Variants in OXR1 observed in about 807,000 individuals in gnomAD.
OXR1 encodes the protein oxidation resistance 1, also known as oxidation resistance protein 1.
Under a neutral mutation model 104.6 loss-of-function variants are expected in OXR1, and 41 were observed. The ratio of observed to expected loss-of-function variants is 0.39; its 90% CI spans 0.31 to 0.51. OXR1 has a LOEUF of 0.51. Ranked by LOEUF, OXR1 falls within the 20% of genes least tolerant of loss-of-function variation. The probability of loss-of-function intolerance (pLI) is 0.77; values close to 1 mark genes in which losing one functional copy is unlikely to be tolerated. For synonymous variants in OXR1, 348 were observed against 348.4 expected (o/e 1.00, Z 0.01); for missense variants, 955 against 1,031.9 (o/e 0.93, Z 1.02).
intron 3 of OXR1, chr8:106,604,978 T>G (rs983786876): frequency 3.3e-5 from 5 of 152,224 alleles, no homozygotes; most frequent in Non-Finnish European, 5.9e-5. Flanking sequence ...TCATTCATCC[T>G]GGGTAAAAGC....
At chr8:106,360,528 GTAATTATTTGTTTAGA>G in intron 2 of OXR1, among the ~76,000 whole-genome samples, 1 of 151,980 alleles carries the variant, frequency 6.6e-6, no homozygotes, top group Admixed American at 6.6e-5. Context: ...GGGCAAGGAT[GTAATTATTTGTTTAGA>G]TTCGGAGTCA....
At chr8:106,282,745 A>C (rs1333337353) in intron 1 of OXR1, among the ~76,000 whole-genome samples, 1 of 152,162 alleles carries the variant, frequency 6.6e-6, no homozygotes, top group African/African-American at 2.4e-5. Flanking sequence ...AAGAAGAGGG[A>C]CTTGTCTTGC....
rs148706289 is a variant in OXR1 at position 106,564,632 on chromosome 8, A to T, written c.220+45493A>T. Among the ~76,000 whole-genome samples, 200 of 152,346 alleles carry T rather than the reference A, an allele frequency of 1.3e-3. 1 individual carries two copies. The highest frequency in any genetic ancestry group is 3.9e-3 in the Admixed American group (59 of 15,302). ...GAGGGACTCCTCCCTAACTCGTTTT[A>T]TGAGGTCAGCATCATTCTGATACCA... On this transcript the variant is annotated intron_variant, in intron 3 of 16. Coordinates refer to ENST00000517566, the MANE Select transcript of OXR1 (RefSeq NM_001198533.2).
At chr8:106,410,405 C>A (rs577197946) in intron 2 of OXR1, among the ~76,000 whole-genome samples, 1 of 152,078 alleles carries the variant, frequency 6.6e-6, no homozygotes, top group East Asian at 1.9e-4. Context: ...TGGTGTTAGA[C>A]GTTGGCTATT....
chr8:106,575,186 A>T (rs1817737470), intron 3 of OXR1, among the ~76,000 whole-genome samples: 1 of 152,170 alleles, frequency 6.6e-6, no homozygotes, highest in Non-Finnish European at 1.5e-5. Context: ...AGTATTAATA[A>T]TGCTACTATC....
chr8:106,638,727 T>C (rs1165937789), intron 3 of OXR1, among the ~76,000 whole-genome samples: 1 of 152,104 alleles, frequency 6.6e-6, no homozygotes, highest in Admixed American at 6.5e-5. Context: ...ATCCCATCTC[T>C]ACTAAAACTA....
chr8:106,626,710 C>T (rs1822200628), intron 3 of OXR1, among the ~76,000 whole-genome samples: 1 of 151,104 alleles, frequency 6.6e-6, no homozygotes, highest in African/African-American at 2.4e-5. Flanking sequence ...CCTGATTTAA[C>T]ATTGTAGATC....
intron 2 of OXR1, among the ~76,000 whole-genome samples, chr8:106,444,490 T>C (rs1425856494): frequency 2.6e-5 from 4 of 152,162 alleles, no homozygotes; most frequent in African/African-American, 9.7e-5. Context: ...ATATACACCA[T>C]GGAATACTAT....
chr8:106,660,075 T>G (rs559754772), intron 3 of OXR1, among the ~76,000 whole-genome samples: 1 of 152,342 alleles, frequency 6.6e-6, no homozygotes, highest in African/African-American at 2.4e-5. Flanking sequence ...ACTTAGTGTC[T>G]TTGGGCCTAT....
rs148266727 is a variant in OXR1, at chr8:106,451,723, A to G, written c.24-67220A>G. ...CGTCTCTGTTGAGATTAGCAATAGA[A>G]GTTTTAAGTATTCTGCATATATTTC... On this transcript the variant is annotated intron_variant, in intron 2 of 16. Coordinates refer to ENST00000517566, the MANE Select transcript of OXR1 (RefSeq NM_001198533.2). Among the ~76,000 whole-genome samples, 500 of 152,364 alleles carry G rather than the reference A, an allele frequency of 3.3e-3. 3 individuals are homozygous for G. Among genetic ancestry groups the G allele is most frequent in the African/African-American group, 0.012 (484 of 41,592 alleles).
intron 3 of OXR1, among the ~76,000 whole-genome samples, chr8:106,563,932 G>A (rs1005442343): frequency 6.6e-6 from 1 of 152,130 alleles, no homozygotes; most frequent in South Asian, 2.1e-4. Context: ...TAAGTTCTTT[G>A]AAACCAATGA....
chr8:106,580,619 T>C (rs1304340459), intron 3 of OXR1, among the ~76,000 whole-genome samples: 1 of 152,196 alleles, frequency 6.6e-6, no homozygotes, highest in East Asian at 1.9e-4. Flanking sequence ...ATGGTATTTA[T>C]TTATTTTTTT....
intron 3 of OXR1, among the ~76,000 whole-genome samples, chr8:106,620,314 G>GT (rs549383247): frequency 9.3e-5 from 14 of 150,540 alleles, no homozygotes; most frequent in South Asian, 2.1e-4. Flanking sequence ...TTAATTGACA[G>GT]TTTTTTTTTC....
intron 1 of OXR1, among the ~76,000 whole-genome samples, chr8:106,305,420 A>T (rs1371812028): frequency 6.6e-6 from 1 of 152,190 alleles, no homozygotes; most frequent in Non-Finnish European, 1.5e-5. Flanking sequence ...ATTTCTAGGT[A>T]AGGCAAACAC....
chr8:106,745,763 T>G (rs548107172), intron 15 of OXR1, 26 bp from the exon 16 acceptor site: 1 of 1,165,700 alleles, frequency 8.6e-7, no homozygotes, highest in Non-Finnish European at 1.3e-6. Context: ...ATCTATATAT[T>G]TAAAGCTTTT....
chr8:106,662,703 A>G (rs1004609001), intron 3 of OXR1, among the ~76,000 whole-genome samples: 1 of 152,170 alleles, frequency 6.6e-6, no homozygotes. Flanking sequence ...CAAAGAATTT[A>G]TAACTGTGTT....
chr8:106,376,168 A>G, intron 2 of OXR1, among the ~76,000 whole-genome samples: 1 of 152,318 alleles, frequency 6.6e-6, no homozygotes, highest in South Asian at 2.1e-4. Context: ...CCAGCTGTGA[A>G]TTAGCGCTGT....
chr8:106,433,794 A>G (rs1253747083), intron 2 of OXR1, among the ~76,000 whole-genome samples: 2 of 152,172 alleles, frequency 1.3e-5, no homozygotes, highest in African/African-American at 4.8e-5. Context: ...CCATTTCACT[A>G]TTGCTAGATT....
At chr8:106,308,220 T>A (rs1170320596) in intron 1 of OXR1, among the ~76,000 whole-genome samples, 1 of 152,094 alleles carries the variant, frequency 6.6e-6, no homozygotes, top group Non-Finnish European at 1.5e-5. Flanking sequence ...GCCTGAGAAC[T>A]AAAGGCACTA....
Sources: allele counts gnomAD v4.1 joint callset (sites outside exome capture counted in the v4.1 genomes callset), GRCh38; gene constraint gnomAD v4.1.1; transcripts MANE v1.5; gene names NCBI Gene and HGNC (gene_info 2026-07-23, HGNC 2026-07-21).